CEP55: variants seen among roughly 807,000 people sequenced by gnomAD.
The protein encoded by CEP55 is centrosomal protein 55.
In CEP55, 57 loss-of-function variants were observed where a neutral mutation model predicts 63.2. The ratio of observed to expected loss-of-function variants is 0.90; its 90% CI spans 0.73 to 1.13. CEP55 has a LOEUF of 1.13. Ranked by LOEUF, CEP55 falls within the 50% of genes most tolerant of loss-of-function variation. The pLI, the probability that CEP55 is intolerant of heterozygous loss-of-function variation, is 0.00. For synonymous variants in CEP55, 178 were observed against 191.6 expected (o/e 0.93, Z 0.59); for missense variants, 456 against 518.9 (o/e 0.88, Z 1.18).
At chr10:93,501,976 C>T (rs2057640205) in intron 2 of CEP55, among the ~76,000 whole-genome samples, 2 of 152,276 alleles carry the variant, frequency 1.3e-5, no homozygotes, top group Non-Finnish European at 2.9e-5. Flanking sequence ...AACTTCTACC[C>T]ATTTGTTCTA....
At chr10:93,516,675 T>C (rs1171391414) in intron 5 of CEP55, among the ~76,000 whole-genome samples, 5 of 152,224 alleles carry the variant, frequency 3.3e-5, no homozygotes, top group African/African-American at 1.2e-4. Context: ...TATTTGTTGA[T>C]TGAACTTCTT....
chr10:93,516,066 G>A (rs1301084863), intron 5 of CEP55, among the ~76,000 whole-genome samples: 4 of 152,176 alleles, frequency 2.6e-5, no homozygotes, highest in Non-Finnish European at 5.9e-5. Context: ...GAGTTTTAGA[G>A]CAACCCTAAG....
intron 7 of CEP55, 105 bp downstream of exon 7, chr10:93,519,053 G>A (rs1460877254): frequency 6.0e-6 from 5 of 834,002 alleles, no homozygotes; most frequent in Admixed American, 2.3e-5. Context: ...GTTGTGAAAA[G>A]TGTCTTTAAA....
chr10:93,505,577 C>T (rs960371946), intron 3 of CEP55, among the ~76,000 whole-genome samples: 7 of 152,204 alleles, frequency 4.6e-5, no homozygotes, highest in South Asian at 2.1e-4. Context: ...GTTTCCACCT[C>T]GAGGACTGAA....
Position 93,503,107 on chromosome 10 carries a change from G to A in CEP55, c.184-6G>A. 6.2e-7 allele frequency: 1 copy of A among 1,609,538 alleles called. No homozygotes were observed. The highest frequency in any genetic ancestry group is 2.2e-5 in the East Asian group (1 of 44,842). ...TGTTCTAAGATTCTTCTTAGTTTAT[G>A]TCTAGAAAATTCGAGTCCTTGAGGC... is the stretch of plus-strand genomic sequence containing the variant. On this transcript the variant is annotated splice_polypyrimidine_tract_variant and splice_region_variant and intron_variant, in intron 2 of 8. Transcript: ENST00000371485.
chr10:93,527,978 A>G lies in CEP55; in HGVS notation c.1220A>G (p.Glu407Gly), dbSNP rs1349941795. The G allele has an allele frequency of 1.2e-6, 2 of 1,614,018 alleles. No individual in the cohort carries two copies. Among genetic ancestry groups the G allele is most frequent in the African/African-American group, 1.3e-5 (1 of 75,014 alleles). Residue 407 changes from glutamate to glycine, a missense_variant, in exon 9 of 9, where the codon GAG (glutamate) becomes GGG (glycine). Transcript: ENST00000371485. ...CAGCTTCATGAGTTTGCCATCACAG[A>G]GCCATTAGTCACTTTCCAAGGAGAG... ...LKQLHEFAIT[E>G]PLVTFQGETE...
At chr10:93,504,876 G>A (rs113219925) in intron 3 of CEP55, among the ~76,000 whole-genome samples, 1,935 of 152,166 alleles carry the variant, frequency 0.013, 44 homozygotes, top group African/African-American at 0.044. Flanking sequence ...GTGCAATGGC[G>A]CAATCTCAGC....
chr10:93,520,779 CAA>C (rs1176192963), intron 8 of CEP55, among the ~76,000 whole-genome samples: 5 of 151,548 alleles, frequency 3.3e-5, no homozygotes, highest in Non-Finnish European at 7.4e-5. Flanking sequence ...GAAAAAAAAA[CAA>C]TGATAAAAGT....
chr10:93,512,732 T>C (rs2057766300), intron 4 of CEP55, among the ~76,000 whole-genome samples: 1 of 152,172 alleles, frequency 6.6e-6, no homozygotes, highest in Non-Finnish European at 1.5e-5. Flanking sequence ...AATCTGATCC[T>C]GGGTTTCTCA....
intron 8 of CEP55, among the ~76,000 whole-genome samples, chr10:93,521,728 G>A (rs1318797576): frequency 6.6e-6 from 1 of 152,142 alleles, no homozygotes; most frequent in Admixed American, 6.5e-5. Flanking sequence ...ACACAGCCGG[G>A]TACCCCTCTG....
chr10:93,497,273 T>A (rs1308070601), intron 1 of CEP55, among the ~76,000 whole-genome samples: 1 of 152,104 alleles, frequency 6.6e-6, no homozygotes, highest in Non-Finnish European at 1.5e-5. Context: ...TTTTCTTTTT[T>A]CTTTTTTTTT....
intron 4 of CEP55, among the ~76,000 whole-genome samples, chr10:93,510,838 G>A (rs1419035179): frequency 1.3e-5 from 2 of 151,820 alleles, no homozygotes; most frequent in East Asian, 1.9e-4. Flanking sequence ...TCCAGTATAG[G>A]CTAACATTTT....
intron 1 of CEP55, among the ~76,000 whole-genome samples, chr10:93,498,223 T>C (rs1360097824): frequency 2.7e-5 from 4 of 150,536 alleles, no homozygotes; most frequent in African/African-American, 9.8e-5. Flanking sequence ...GTGGGGGAGA[T>C]CCAAACCGTC....
intron 7 of CEP55, 144 bp downstream of exon 7, chr10:93,519,092 A>C: frequency 1.8e-6 from 1 of 563,250 alleles, no homozygotes; most frequent in Non-Finnish European, 3.2e-6. Context: ...TTCTTCTTCA[A>C]TAAAAAAGAT....
intron 3 of CEP55, among the ~76,000 whole-genome samples, chr10:93,503,974 T>TC (rs2057661681): frequency 7.0e-6 from 1 of 141,904 alleles, no homozygotes; most frequent in African/African-American, 2.6e-5. Flanking sequence ...TCTTAGTTTC[T>TC]TTTTTTTTTT....
chr10:93,510,760 G>A (rs1043033413), intron 4 of CEP55: 1 of 152,054 alleles, frequency 6.6e-6, no homozygotes, highest in Middle Eastern at 3.1e-3. Context: ...AATTTAACAT[G>A]GATACAATAC....
Position 93,516,997 on chromosome 10 carries a change from C to G in CEP55, c.742C>G (p.Leu248Val), listed in dbSNP as rs1198311605. ...NDLLASAKKD[L>V]EVERQTITQL... ...TCTCTTGGCAAGTGCAAAAAAAGAT[C>G]TTGAGGTTGAACGACAAACCATAAC... The change falls in exon 6 of 9, where the codon CTT (leucine) becomes GTT (valine). Residue 248 changes from leucine (L) to valine (V), a missense_variant. By Grantham distance (32) the Leu-to-Val change is conservative. Transcript: ENST00000371485. The G allele has an allele frequency of 6.2e-7, 1 of 1,607,688 alleles. No individual in the cohort carries two copies. The highest frequency in any genetic ancestry group is 1.7e-5 in the Admixed American group (1 of 59,646).
intron 3 of CEP55, among the ~76,000 whole-genome samples, chr10:93,505,229 T>C (rs1156298423): frequency 1.3e-5 from 2 of 152,280 alleles, no homozygotes; most frequent in African/African-American, 2.4e-5. Context: ...CAGTGTCTTA[T>C]GCAACAAATG....
rs1378456509 is a variant in CEP55 at position 93,500,239 on chromosome 10, A to G, written c.183+5A>G. The G allele has an allele frequency of 1.9e-6, 3 of 1,603,422 alleles. No individual in the cohort carries two copies. The highest frequency in any genetic ancestry group is 2.6e-6 in the Non-Finnish European group (3 of 1,176,180). On this transcript the variant is annotated splice_donor_5th_base_variant and intron_variant, in intron 2 of 8. Transcript: ENST00000371485. ...GAGAGACACAGACTTTTGGAGGTAA[A>G]TGGTCTTCTGATCCTTTAAATTGTA...
Sources: allele counts gnomAD v4.1 joint callset (sites outside exome capture counted in the v4.1 genomes callset), GRCh38; gene constraint gnomAD v4.1.1; transcripts MANE v1.5; gene names NCBI Gene and HGNC (gene_info 2026-07-23, HGNC 2026-07-21).